The following STAU2 variants were observed in gnomAD, a reference collection of about 807,000 sequenced individuals.
STAU2 encodes staufen double-stranded RNA binding protein 2, also known as double-stranded RNA-binding protein Staufen homolog 2.
In STAU2, 20 loss-of-function variants were observed where a neutral mutation model predicts 65.9. The ratio of observed to expected loss-of-function variants is 0.30; its 90% CI spans 0.21 to 0.44. The LOEUF is 0.44. Among genes scored for constraint, STAU2 ranks in the 20% least tolerant of loss-of-function variants. STAU2 has a pLI of 1.00. For missense variants in STAU2, 558 were observed against 683.9 expected, an observed-to-expected ratio of 0.82 and a Z score of 2.05; for synonymous variants, 232 against 233.9, an observed-to-expected ratio of 0.99 and a Z score of 0.07.
At chr8:73,732,481 A>C (rs1465360239) in intron 3 of STAU2, 2 of 152,234 alleles carry the variant, frequency 1.3e-5, no homozygotes, top group Non-Finnish European at 2.9e-5. Context: ...GGCTACATAT[A>C]AAATAAATCC....
At chr8:73,522,844 G>A (rs955469955) in intron 13 of STAU2, among the ~76,000 whole-genome samples, 4 of 152,114 alleles carry the variant, frequency 2.6e-5, no homozygotes, top group Non-Finnish European at 4.4e-5. Context: ...GCCTACAGAC[G>A]TCTTCGCTAA....
chr8:73,559,768 GTAAGTGACTC>G (rs978088269), intron 12 of STAU2, among the ~76,000 whole-genome samples: 1 of 152,118 alleles, frequency 6.6e-6, no homozygotes, highest in Non-Finnish European at 1.5e-5. Context: ...GGTAGTATTT[GTAAGTGACTC>G]CACCTCTTCT....
Position 73,603,816 on chromosome 8 carries a change from C to A in STAU2, c.939G>T (p.Ala313=). ...TTTCCTTTTTGGCCTGTTGAATTTG[C>A]GCCAGGCGGCTAATAGGGTTCATCC... ...GQGMNPISRL[A]QIQQAKKEKE... Residue 313 remains alanine (A), a synonymous_variant, in exon 10 of 15, where the codon GCG becomes GCT. Coordinates refer to ENST00000524300, the MANE Select transcript of STAU2 (RefSeq NM_001164380.2). 1 of 1,611,960 alleles carries A rather than the reference C, an allele frequency of 6.2e-7. No homozygotes were observed. Among genetic ancestry groups the A allele is most frequent in the Non-Finnish European group, 8.5e-7 (1 of 1,179,814 alleles).
At chr8:73,479,900 G>A (rs1162425701) in intron 13 of STAU2, among the ~76,000 whole-genome samples, 1 of 151,920 alleles carries the variant, frequency 6.6e-6, no homozygotes, top group East Asian at 1.9e-4. Context: ...ATCCCACACT[G>A]TCAGATGCAT....
intron 4 of STAU2, among the ~76,000 whole-genome samples, chr8:73,691,697 G>A (rs1216003780): frequency 1.3e-5 from 2 of 152,012 alleles, no homozygotes; most frequent in Non-Finnish European, 2.9e-5. Context: ...ACCACCTGTG[G>A]TATATAAGAA....
At chr8:73,578,672 G>C (rs1809760283) in intron 12 of STAU2, among the ~76,000 whole-genome samples, 1 of 152,128 alleles carries the variant, frequency 6.6e-6, no homozygotes, top group Admixed American at 6.5e-5. Flanking sequence ...GATATTCAGG[G>C]ACTGGGCTGC....
chr8:73,524,878 A>G (rs893789737), intron 13 of STAU2, among the ~76,000 whole-genome samples: 9 of 152,324 alleles, frequency 5.9e-5, no homozygotes, highest in Non-Finnish European at 8.8e-5. Context: ...ACCTTATGAG[A>G]TCAAGTTGAT....
intron 4 of STAU2, among the ~76,000 whole-genome samples, chr8:73,699,610 T>C (rs1348670947): frequency 6.6e-6 from 1 of 151,962 alleles, no homozygotes; most frequent in Non-Finnish European, 1.5e-5. Context: ...CCTACAAAGA[T>C]TGAACCCGGA....
chr8:73,538,431 T>G (rs1394227094), intron 13 of STAU2, among the ~76,000 whole-genome samples: 1 of 152,178 alleles, frequency 6.6e-6, no homozygotes, highest in Non-Finnish European at 1.5e-5. Flanking sequence ...CTTAAGTGTT[T>G]CTTTGCATGC....
At chr8:73,543,620 C>A (rs1462534110) in intron 13 of STAU2, among the ~76,000 whole-genome samples, 1 of 152,124 alleles carries the variant, frequency 6.6e-6, no homozygotes, top group African/African-American at 2.4e-5. Context: ...TACACCAAAC[C>A]CTCCCCTCTT....
chr8:73,498,851 A>C (rs1011740165), intron 13 of STAU2, among the ~76,000 whole-genome samples: 2 of 151,816 alleles, frequency 1.3e-5, no homozygotes, highest in African/African-American at 4.8e-5. Context: ...TTATGTGTTA[A>C]CTTGGCTGTG....
intron 13 of STAU2, among the ~76,000 whole-genome samples, chr8:73,523,827 A>C (rs1823196260): frequency 6.6e-6 from 1 of 152,198 alleles, no homozygotes; most frequent in Non-Finnish European, 1.5e-5. Context: ...TTTGTGTGCC[A>C]TAGCTAAATT....
At chr8:73,647,556 T>C (rs1342897288) in intron 6 of STAU2, among the ~76,000 whole-genome samples, 1 of 151,860 alleles carries the variant, frequency 6.6e-6, no homozygotes, top group Admixed American at 6.6e-5. Context: ...AGGAAGAGCT[T>C]TGTGGTGACA....
intron 12 of STAU2, among the ~76,000 whole-genome samples, chr8:73,556,170 G>C (rs1426238948): frequency 6.6e-6 from 1 of 151,986 alleles, no homozygotes; most frequent in Non-Finnish European, 1.5e-5. Context: ...AATACTAAAA[G>C]TATAAAATTT....
At chr8:73,539,206 T>C (rs1331676637) in intron 13 of STAU2, among the ~76,000 whole-genome samples, 2 of 152,156 alleles carry the variant, frequency 1.3e-5, no homozygotes, top group Admixed American at 6.5e-5. Flanking sequence ...TATTCACAAA[T>C]GTTAGGATGC....
At chr8:73,683,498 C>T (rs929651043) in intron 5 of STAU2, among the ~76,000 whole-genome samples, 9 of 152,130 alleles carry the variant, frequency 5.9e-5, no homozygotes, top group Non-Finnish European at 1.0e-4. Flanking sequence ...CCATAGCCAA[C>T]GTTATACTGA....
intron 4 of STAU2, among the ~76,000 whole-genome samples, chr8:73,690,067 G>A (rs1458532156): frequency 1.3e-5 from 2 of 151,614 alleles, no homozygotes; most frequent in Admixed American, 6.6e-5. Flanking sequence ...AGTGGCTCAC[G>A]CCTGTAATCC....
chr8:73,642,232 A>T (rs1448480459), intron 6 of STAU2, among the ~76,000 whole-genome samples: 1 of 152,098 alleles, frequency 6.6e-6, no homozygotes, highest in East Asian at 1.9e-4. Flanking sequence ...CCACTCAAAA[A>T]CTTTCATCTT....
In STAU2 at chr8:73,624,144, G is replaced by GA. The variant is rs893193342; in HGVS notation, c.411-6694dup. On this transcript the variant is annotated intron_variant, in intron 6 of 14. Transcript: ENST00000524300. ...AATACGGTACACTAGAATAAAAATGGAAAAAAAAATACTTAATTGAAGGAA... is the reference window on the plus strand; with the variant it reads ...AATACGGTACACTAGAATAAAAATGGAAAAAAAAAATACTTAATTGAAGGAA... Among the ~76,000 whole-genome samples, 28 of 149,568 alleles carry GA rather than the reference G, an allele frequency of 1.9e-4. No individual in the cohort carries two copies. In the East Asian group the frequency reaches 2.1e-3, roughly 11 times the overall value.
Sources: gnomAD v4.1 joint callset for allele counts (sites outside exome capture counted in the v4.1 genomes callset) on GRCh38, gnomAD v4.1.1 for gene constraint, MANE v1.5 for transcripts, NCBI Gene and HGNC (gene_info 2026-07-23, HGNC 2026-07-21) for gene names.